PHF14: variants seen among roughly 807,000 people sequenced by gnomAD.
PHF14 encodes the protein PHD finger protein 14.
In PHF14, 55 loss-of-function variants were observed where a neutral mutation model predicts 117.9. That is an observed-to-expected ratio of 0.47 (90% CI 0.38 to 0.58). The LOEUF is 0.58. Ranked by LOEUF, PHF14 falls within the 20% of genes least tolerant of loss-of-function variation. PHF14 has a pLI of 0.00. For synonymous variants in PHF14, 409 were observed against 368.6 expected, an observed-to-expected ratio of 1.11 and a Z score of -1.26; for missense variants, 978 against 1,122.2, an observed-to-expected ratio of 0.87 and a Z score of 1.84.
At chr7:10,991,218 T>C (rs1452843208) in intron 4 of PHF14, among the ~76,000 whole-genome samples, 1 of 152,184 alleles carries the variant, frequency 6.6e-6, no homozygotes, top group African/African-American at 2.4e-5. Flanking sequence ...TCTCGCACTG[T>C]TGCCCAGGCT....
chr7:11,062,031 T>C lies in PHF14; in HGVS notation c.2600T>C (p.Leu867Ser). 1 of 1,607,382 alleles carries C rather than the reference T, an allele frequency of 6.2e-7. No individual in the cohort carries two copies. The highest frequency in any genetic ancestry group is 1.1e-5 in the South Asian group (1 of 89,528). ...CAAAAGAAGCCCAAGGCTGAAGATT[T>C]AAGAACTGAATGTGCAACTTGCAAG... ...VLQKKPKAED[L>S]RTECATCKGT... The change falls in exon 16 of 18, where the codon TTA (leucine) becomes TCA (serine). Residue 867 changes from leucine to serine, a missense_variant. Physicochemically the swap from Leu to Ser is moderately radical, Grantham distance 145 (BLOSUM62 -2). Transcript: ENST00000634607.
chr7:11,011,711 G>T lies in PHF14; in HGVS notation c.1046-2036G>T, dbSNP rs10257220. On this transcript the variant is annotated intron_variant, in intron 4 of 17. Transcript: ENST00000634607. ...TGTGTTCATTATTATATATGCTTTA[G>T]ATTGTTTCTTTGAAGGATGTTTTAC... Among the ~76,000 whole-genome samples the T allele has an allele frequency of 9.0e-3, 1,365 of 152,244 alleles. 21 individuals carry two copies. Among genetic ancestry groups the T allele is most frequent in the African/African-American group, 0.031 (1,296 of 41,518 alleles).
intron 7 of PHF14, among the ~76,000 whole-genome samples, chr7:11,033,136 G>T (rs1784179035): frequency 6.6e-6 from 1 of 152,194 alleles, no homozygotes; most frequent in African/African-American, 2.4e-5. Context: ...GATCTTGAAA[G>T]CTCCATTTCT....
chr7:11,125,284 C>T (rs1387103320), intron 17 of PHF14, among the ~76,000 whole-genome samples: 2 of 152,084 alleles, frequency 1.3e-5, no homozygotes, highest in Non-Finnish European at 2.9e-5. Flanking sequence ...AAAGTAACTA[C>T]AGCCAGCCAC....
At chr7:11,001,323 T>C (rs1010837057) in intron 4 of PHF14, among the ~76,000 whole-genome samples, 4 of 152,200 alleles carry the variant, frequency 2.6e-5, no homozygotes, top group Admixed American at 2.6e-4. Context: ...TGAAGTTGAG[T>C]AGTGTTACTC....
At chr7:11,013,624 C>A in intron 4 of PHF14, 123 bp from the exon 5 acceptor site, 1 of 534,178 alleles carries the variant, frequency 1.9e-6, no homozygotes, top group Non-Finnish European at 3.3e-6. Context: ...TAATACGTTT[C>A]TTATAAACCA....
intron 17 of PHF14, among the ~76,000 whole-genome samples, chr7:11,148,068 A>G (rs990375469): frequency 6.6e-6 from 1 of 152,132 alleles, no homozygotes; most frequent in African/African-American, 2.4e-5. Context: ...AAAGCATATC[A>G]TACTTCTTTC....
chr7:10,999,810 C>A (rs1782796079), intron 4 of PHF14, among the ~76,000 whole-genome samples: 1 of 152,086 alleles, frequency 6.6e-6, no homozygotes. Context: ...GTGGTAATGC[C>A]AATTAAGTCA....
intron 14 of PHF14, among the ~76,000 whole-genome samples, chr7:11,060,638 C>G (rs1785191180): frequency 6.6e-6 from 1 of 152,074 alleles, no homozygotes; most frequent in African/African-American, 2.4e-5. Context: ...ATGATTGACA[C>G]CTTGAGAAGC....
chr7:11,068,455 T>C (rs1236035825), intron 16 of PHF14, among the ~76,000 whole-genome samples: 5 of 151,920 alleles, frequency 3.3e-5, no homozygotes, highest in African/African-American at 4.8e-5. Flanking sequence ...AAATAATGTA[T>C]GATTCCACTT....
intron 16 of PHF14, 95 bp from the exon 17 acceptor site, chr7:11,111,255 G>A (rs1340144313): frequency 3.8e-6 from 2 of 529,292 alleles, no homozygotes; most frequent in Non-Finnish European, 3.4e-6. Context: ...TGTTGAAGTT[G>A]AAATATACAA....
chr7:11,023,110 T>C, intron 6 of PHF14, 131 bp downstream of exon 6: 1 of 518,478 alleles, frequency 1.9e-6, no homozygotes, highest in South Asian at 3.2e-5. Context: ...ACTAAATCAT[T>C]TATTATTGAT....
At chr7:11,032,606 A>G (rs1784156469) in intron 7 of PHF14, among the ~76,000 whole-genome samples, 1 of 152,198 alleles carries the variant, frequency 6.6e-6, no homozygotes, top group South Asian at 2.1e-4. Context: ...TAGAGTTAAA[A>G]AAGAAAACCT....
At position 11,169,579 on chromosome 7, in the gene PHF14, A is replaced by G. The variant is rs1029533427; in HGVS notation, c.*89A>G. 6 of 550,960 alleles carry G rather than the reference A, an allele frequency of 1.1e-5. No individual in the cohort carries two copies. Among genetic ancestry groups the G allele is most frequent in the African/African-American group, 9.9e-5 (5 of 50,430 alleles). 34.1% of individuals were successfully genotyped at this position (550,960 alleles called of 1,614,324 possible). On this transcript the variant is annotated 3_prime_UTR_variant, in exon 18 of 18. Transcript: ENST00000634607. ...TGTAAAATGTTAAATTGTAAAATCT[A>G]ATTTGCAAAATGTTCTCAATAAAGT... is the stretch of plus-strand genomic sequence containing the variant.
chr7:11,161,826 A>G (rs1789043461), intron 17 of PHF14, among the ~76,000 whole-genome samples: 1 of 149,844 alleles, frequency 6.7e-6, no homozygotes, highest in Non-Finnish European at 1.5e-5. Flanking sequence ...ACTTTTAAAT[A>G]AAAATATTAT....
At chr7:11,153,820 A>T (rs887583797) in intron 17 of PHF14, among the ~76,000 whole-genome samples, 1 of 152,176 alleles carries the variant, frequency 6.6e-6, no homozygotes, top group African/African-American at 2.4e-5. Flanking sequence ...TCACATTGTC[A>T]GTGTGTTGAC....
intron 17 of PHF14, among the ~76,000 whole-genome samples, chr7:11,141,401 GT>G (rs1328936678): frequency 6.6e-6 from 1 of 152,008 alleles, no homozygotes; most frequent in Admixed American, 6.6e-5. Context: ...TCTTTCCCCT[GT>G]ATAGTATAGA....
Position 10,974,327 on chromosome 7 carries a change from A to G in PHF14, c.1+3A>G. On this transcript the variant is annotated splice_donor_region_variant and intron_variant, in intron 1 of 17. Transcript: ENST00000634607. Reference sequence around the variant, plus strand: ...ACGACCACCTCACGGATTCCTTAGTAAGTGTATCCGAGGCCTCTGCGGCGA... The same window carrying G: ...ACGACCACCTCACGGATTCCTTAGTGAGTGTATCCGAGGCCTCTGCGGCGA... 6.3e-7 allele frequency: 1 copy of G among 1,591,232 alleles called. No homozygotes were observed. The highest frequency in any genetic ancestry group is 8.6e-7 in the Non-Finnish European group (1 of 1,168,098).
chr7:11,036,974 C>G lies in PHF14; in HGVS notation c.1874-11C>G, dbSNP rs764978234. ...CCTACTAAAGTAAAATTCGATATTT[C>G]ATTTAAATAGAGAGAAATATGCGCA... On this transcript the variant is annotated splice_polypyrimidine_tract_variant and intron_variant, in intron 9 of 17. Transcript: ENST00000634607. The G allele has an allele frequency of 1.7e-4, 250 of 1,464,678 alleles. No homozygotes were observed. Among genetic ancestry groups the G allele is most frequent in the Non-Finnish European group, 2.2e-4 (241 of 1,078,700 alleles). 90.7% of individuals were successfully genotyped at this position (1,464,678 alleles called of 1,614,324 possible).
Sources: allele counts gnomAD v4.1 joint callset (sites outside exome capture counted in the v4.1 genomes callset), GRCh38; gene constraint gnomAD v4.1.1; transcripts MANE v1.5; gene names NCBI Gene and HGNC (gene_info 2026-07-23, HGNC 2026-07-21).